TWIST2: variants seen among roughly 807,000 people sequenced by gnomAD.
TWIST2 encodes twist-related protein 2.
TWIST2 carries 1 observed loss-of-function variant against 11.6 expected under a neutral mutation model. That is an observed-to-expected ratio of 0.09 (90% CI 0.03 to 0.41). The LOEUF (loss-of-function observed/expected upper bound fraction) is 0.41, where lower values mean the gene tolerates loss of function less well. Among genes scored for constraint, TWIST2 ranks in the 10% least tolerant of loss-of-function variants. TWIST2 has a pLI of 0.98. For synonymous variants in TWIST2, 87 were observed against 96.6 expected, an observed-to-expected ratio of 0.90 and a Z score of 0.58; for missense variants, 168 against 226.4, an observed-to-expected ratio of 0.74 and a Z score of 1.66.
At chr2:238,870,129 CACACACCACACCCCAT>C (rs1163706109) in intron 1 of TWIST2, among the ~76,000 whole-genome samples, 15 of 97,072 alleles carry the variant, frequency 1.5e-4, no homozygotes, top group Admixed American at 2.3e-4. Flanking sequence ...ACCCCCCACA[CACACACCACACCCCAT>C]ACACACCACA....
chr2:238,885,955 G>A (rs1693027490), intron 1 of TWIST2, among the ~76,000 whole-genome samples: 2 of 151,982 alleles, frequency 1.3e-5, no homozygotes, highest in African/African-American at 4.8e-5. Context: ...AATTATCTGG[G>A]CATGGTGGCA....
intron 1 of TWIST2, among the ~76,000 whole-genome samples, chr2:238,907,164 G>A (rs925067891): frequency 2.0e-5 from 3 of 152,294 alleles, no homozygotes; most frequent in East Asian, 1.9e-4. Context: ...GAGGCGCGGC[G>A]CGGGGCCCAC....
chr2:238,877,519 TACAC>T, intron 1 of TWIST2, among the ~76,000 whole-genome samples: 1 of 152,300 alleles, frequency 6.6e-6, no homozygotes, highest in South Asian at 2.1e-4. Context: ...CAAGCATTCT[TACAC>T]ACACCAGCAA....
At chr2:238,872,582 T>G (rs1005804882) in intron 1 of TWIST2, among the ~76,000 whole-genome samples, 1 of 152,188 alleles carries the variant, frequency 6.6e-6, no homozygotes, top group Non-Finnish European at 1.5e-5. Context: ...GTCCATGAAT[T>G]TGATACAAAT....
At chr2:238,888,724 C>T (rs1010626373) in intron 1 of TWIST2, among the ~76,000 whole-genome samples, 2 of 152,190 alleles carry the variant, frequency 1.3e-5, no homozygotes, top group Non-Finnish European at 2.9e-5. Flanking sequence ...CACTATGCAG[C>T]TTGCATAATA....
chr2:238,848,834 C>T (rs1229078914), intron 1 of TWIST2, 101 bp downstream of exon 1: 5 of 981,290 alleles, frequency 5.1e-6, no homozygotes, highest in Admixed American at 4.4e-5. Flanking sequence ...CGAGGCCCCG[C>T]GGGCCGCGGG....
rs1286355588 is a variant in TWIST2 at position 238,902,845 on chromosome 2, TGGG to T, written c.*36-6995_*36-6993del. On this transcript the variant is annotated intron_variant, in intron 1 of 1. Coordinates refer to ENST00000612363, the MANE Select transcript of TWIST2 (RefSeq NM_001271893.4). ...TGTATGTGATATAGTGTGTGTGATG[TGGG>T]GTGTGTGATGGGTATGTGCGTGATG... 2.2e-5 allele frequency among the ~76,000 whole-genome samples: 3 copies of T among 138,314 alleles called. No individual in the cohort carries two copies. In the Admixed American group the frequency reaches 2.2e-4, roughly 10 times the overall value. The allele number at this position is 138,314 out of a possible 152,430, so 90.7% of individuals were successfully genotyped here. A position where few individuals can be genotyped will look rare whatever the true frequency, so the allele number is the denominator to read the frequency against.
intron 1 of TWIST2, among the ~76,000 whole-genome samples, chr2:238,877,145 T>C (rs374545898): frequency 7.9e-5 from 12 of 152,078 alleles, no homozygotes; most frequent in East Asian, 3.9e-4. Flanking sequence ...TGCAGTGAGC[T>C]GAGATCGTGC....
intron 1 of TWIST2, among the ~76,000 whole-genome samples, chr2:238,875,929 G>C (rs1046493478): frequency 1.3e-5 from 2 of 152,286 alleles, no homozygotes. Context: ...GGAGCCTGTG[G>C]CTTGTGGGGC....
intron 1 of TWIST2, among the ~76,000 whole-genome samples, chr2:238,859,022 G>T (rs1003327854): frequency 1.3e-5 from 2 of 152,054 alleles, no homozygotes; most frequent in African/African-American, 2.4e-5. Context: ...GACCAGCCTG[G>T]CCAACATGGT....
chr2:238,857,309 A>G (rs1294367248), intron 1 of TWIST2, among the ~76,000 whole-genome samples: 1 of 152,216 alleles, frequency 6.6e-6, no homozygotes, highest in African/African-American at 2.4e-5. Flanking sequence ...CTAAGGCCCA[A>G]GTCACCTATC....
intron 1 of TWIST2, among the ~76,000 whole-genome samples, chr2:238,857,704 A>G (rs566394283): frequency 1.4e-4 from 21 of 152,232 alleles, no homozygotes; most frequent in African/African-American, 4.8e-4. Flanking sequence ...TGGGAGGCCA[A>G]GGTGGGTGGA....
chr2:238,902,992 G>A (rs1486397963), intron 1 of TWIST2, among the ~76,000 whole-genome samples: 1 of 30,250 alleles, frequency 3.3e-5, no homozygotes, highest in African/African-American at 2.1e-4. Context: ...TGTGTGATGG[G>A]TATGTGCGTG....
At chr2:238,904,685 A>G (rs1178902921) in intron 1 of TWIST2, among the ~76,000 whole-genome samples, 1 of 152,072 alleles carries the variant, frequency 6.6e-6, no homozygotes, top group African/African-American at 2.4e-5. Context: ...CTGCCCTGCT[A>G]GATTTCTCTG....
At chr2:238,879,238 T>G (rs1351860262) in intron 1 of TWIST2, among the ~76,000 whole-genome samples, 1 of 151,996 alleles carries the variant, frequency 6.6e-6, no homozygotes, top group East Asian at 1.9e-4. Flanking sequence ...ACCTTCTTGA[T>G]GAGACCAATA....
chr2:238,896,431 G>T (rs1267202087), intron 1 of TWIST2, among the ~76,000 whole-genome samples: 2 of 152,176 alleles, frequency 1.3e-5, no homozygotes, highest in Non-Finnish European at 2.9e-5. Context: ...TCTGGAGGCC[G>T]CCTGGCCGAG....
At chr2:238,898,579 G>A (rs932172457) in intron 1 of TWIST2, among the ~76,000 whole-genome samples, 1 of 152,238 alleles carries the variant, frequency 6.6e-6, no homozygotes, top group African/African-American at 2.4e-5. Context: ...GCTCAGGGTG[G>A]GCGCAATGTG....
Position 238,864,199 on chromosome 2 carries a change from G to T in TWIST2, c.*35+15466G>T, listed in dbSNP as rs1230769663. The stretch of plus-strand genomic sequence containing the variant: ...AGCATGGGGGGAAGGGGCTGGAGGT[G>T]AGGGGGGACCTCTCGGGCTGTGCCG... On this transcript the variant is annotated intron_variant, in intron 1 of 1. Coordinates refer to ENST00000612363, the MANE Select transcript of TWIST2 (RefSeq NM_001271893.4). This position sits in a 1 kb window ranked among gnomAD's most constrained non-coding sequence, Gnocchi z 4.7. 6.6e-6 allele frequency among the ~76,000 whole-genome samples: 1 copy of T among 152,040 alleles called. No individual in the cohort carries two copies. The highest frequency in any genetic ancestry group is 1.5e-5 in the Non-Finnish European group (1 of 68,008).
intron 1 of TWIST2, among the ~76,000 whole-genome samples, chr2:238,855,995 G>A (rs1349998994): frequency 1.3e-5 from 2 of 152,112 alleles, no homozygotes; most frequent in Non-Finnish European, 2.9e-5. Context: ...AGAATCCCAG[G>A]GTGCCCTGTT....
Sources: allele counts gnomAD v4.1 joint callset (sites outside exome capture counted in the v4.1 genomes callset), GRCh38; gene constraint gnomAD v4.1.1; non-coding constraint Gnocchi (gnomAD v3.1); transcripts MANE v1.5; gene names NCBI Gene and HGNC (gene_info 2026-07-23, HGNC 2026-07-21).